The following VPS8 variants were observed in gnomAD, a reference collection of about 807,000 sequenced individuals.
VPS8 encodes the protein vacuolar protein sorting-associated protein 8 homolog.
In VPS8, 129 loss-of-function variants were observed where a neutral mutation model predicts 216.4. The observed-to-expected ratio is 0.60, with a 90% CI of 0.52 to 0.69. The LOEUF (loss-of-function observed/expected upper bound fraction) is 0.69, where lower values mean the gene tolerates loss of function less well. Ranked by LOEUF, VPS8 falls within the 30% of genes least tolerant of loss-of-function variation. VPS8 has a pLI of 0.00. For missense variants in VPS8, 1,531 were observed against 1,683.5 expected, an observed-to-expected ratio of 0.91 and a Z score of 1.59; for synonymous variants, 571 against 565.4, an observed-to-expected ratio of 1.01 and a Z score of -0.14.
chr3:184,855,904 A>T (rs1441999473), intron 14 of VPS8, 86 bp downstream of exon 14: 2 of 1,074,410 alleles, frequency 1.9e-6, no homozygotes, highest in African/African-American at 3.3e-5. Context: ...AATTTGTGTT[A>T]CTATCCTAAG....
intron 46 of VPS8, among the ~76,000 whole-genome samples, chr3:185,031,072 T>G (rs919736754): frequency 2.8e-5 from 4 of 142,852 alleles, no homozygotes; most frequent in Admixed American, 6.9e-5. Context: ...CGTTTTTTTT[T>G]TTTTTTTTTT....
At chr3:184,979,145 A>G (rs1749780839) in intron 40 of VPS8, among the ~76,000 whole-genome samples, 1 of 151,834 alleles carries the variant, frequency 6.6e-6, no homozygotes, top group African/African-American at 2.4e-5. Context: ...CTGTTTTTTT[A>G]ATGTTGTGGT....
chr3:184,875,989 CAAA>C (rs557804099), intron 21 of VPS8, among the ~76,000 whole-genome samples: 4 of 136,426 alleles, frequency 2.9e-5, no homozygotes, highest in African/African-American at 2.7e-5. Flanking sequence ...GACCCTGTCT[CAAA>C]AAAAAAAAAA....
At chr3:185,025,607 G>T (rs145300027) in intron 46 of VPS8, among the ~76,000 whole-genome samples, 1 of 152,272 alleles carries the variant, frequency 6.6e-6, no homozygotes, top group Non-Finnish European at 1.5e-5. Flanking sequence ...TCTTGTCAAG[G>T]CAGTAGGGGC....
At chr3:184,999,541 A>C (rs751439286) in intron 44 of VPS8, among the ~76,000 whole-genome samples, 155 bp from the exon 45 acceptor site, 2 of 152,274 alleles carry the variant, frequency 1.3e-5, no homozygotes, top group Non-Finnish European at 2.9e-5. Flanking sequence ...AGAGGACAGC[A>C]GCAAGTACAT....
At chr3:185,017,197 C>T (rs1226162649) in intron 45 of VPS8, among the ~76,000 whole-genome samples, 1 of 152,044 alleles carries the variant, frequency 6.6e-6, no homozygotes, top group African/African-American at 2.4e-5. Context: ...CTTCACAATG[C>T]AAAATATAAC....
At chr3:184,827,947 T>C (rs931006861) in intron 3 of VPS8, among the ~76,000 whole-genome samples, 5 of 152,068 alleles carry the variant, frequency 3.3e-5, no homozygotes, top group African/African-American at 1.2e-4. Context: ...TTGTAGACCA[T>C]TATGAAGACG....
intron 42 of VPS8, among the ~76,000 whole-genome samples, chr3:184,986,450 C>G (rs182213504): frequency 1.3e-3 from 203 of 152,210 alleles, no homozygotes; most frequent in Non-Finnish European, 1.2e-3. Context: ...AGAGGAATGA[C>G]TCAGACACAA....
chr3:185,018,833 C>G (rs1423082454), intron 45 of VPS8, among the ~76,000 whole-genome samples: 1 of 152,178 alleles, frequency 6.6e-6, no homozygotes, highest in African/African-American at 2.4e-5. Flanking sequence ...TGCTGAATTC[C>G]TGCCTGAATA....
chr3:184,837,415 A>G (rs902231731), intron 5 of VPS8, among the ~76,000 whole-genome samples: 1 of 152,222 alleles, frequency 6.6e-6, no homozygotes, highest in Non-Finnish European at 1.5e-5. Context: ...AGGTCTTACT[A>G]GAGTTTTTGA....
intron 8 of VPS8, 140 bp downstream of exon 8, chr3:184,843,385 G>A (rs755406869): frequency 2.0e-4 from 101 of 495,360 alleles, no homozygotes; most frequent in Middle Eastern, 3.3e-4. Context: ...AATTAGTTAA[G>A]TGGGAAATTG....
At chr3:184,846,132 A>G (rs1370137586) in intron 8 of VPS8, among the ~76,000 whole-genome samples, 1 of 152,212 alleles carries the variant, frequency 6.6e-6, no homozygotes, top group East Asian at 1.9e-4. Context: ...TCTGTGGGGT[A>G]GGGGTGGAAT....
At chr3:184,932,260 ACT>A (rs1740817527) in intron 34 of VPS8, among the ~76,000 whole-genome samples, 1 of 152,046 alleles carries the variant, frequency 6.6e-6, no homozygotes, top group South Asian at 2.1e-4. Context: ...TTTTTTTGAG[ACT>A]CTAATGAAAG....
At chr3:184,984,845 T>C (rs1750820317) in intron 42 of VPS8, among the ~76,000 whole-genome samples, 1 of 152,232 alleles carries the variant, frequency 6.6e-6, no homozygotes. Context: ...TAACCACACA[T>C]TATGATATGT....
At chr3:184,956,731 T>A (rs1468716205) in intron 36 of VPS8, among the ~76,000 whole-genome samples, 1 of 152,196 alleles carries the variant, frequency 6.6e-6, no homozygotes, top group Non-Finnish European at 1.5e-5. Flanking sequence ...GTAGGCATTG[T>A]GAATAGCGGG....
intron 25 of VPS8, among the ~76,000 whole-genome samples, chr3:184,912,892 C>T (rs1736819752): frequency 6.6e-6 from 1 of 152,218 alleles, no homozygotes; most frequent in Admixed American, 6.5e-5. Context: ...CGTTCCCAGT[C>T]ACTTCACCCT....
At position 184,971,481 on chromosome 3, in the gene VPS8, G is replaced by A. The variant is rs7621783; in HGVS notation, c.3317-168G>A. Reference sequence around the variant, plus strand: ...TTTCTGTGGGAAACTCTTATTTCACGGAATAATCTGTTTTTTAATCTATAA... The same window carrying A: ...TTTCTGTGGGAAACTCTTATTTCACAGAATAATCTGTTTTTTAATCTATAA... On this transcript the variant is annotated intron_variant, in intron 39 of 47. Coordinates refer to ENST00000625842, the MANE Select transcript of VPS8 (RefSeq NM_001009921.3). Among the ~76,000 whole-genome samples the A allele has an allele frequency of 0.9, 137,317 of 152,236 alleles. 62,916 individuals carry two copies. The highest frequency in any genetic ancestry group is 0.98 in the Non-Finnish European group (66,870 of 68,036).
At chr3:184,855,845 G>A in intron 14 of VPS8, 27 bp downstream of exon 14, 1 of 1,549,304 alleles carries the variant, frequency 6.5e-7, no homozygotes, top group Non-Finnish European at 8.8e-7. Context: ...CCATTAGAAA[G>A]CCTCTTACAA....
rs1406859301 is a variant in VPS8 at position 185,004,261 on chromosome 3, C to T, written c.4002+4400C>T. 3.3e-5 allele frequency among the ~76,000 whole-genome samples: 5 copies of T among 152,340 alleles called. No homozygotes were observed. In the East Asian group the frequency reaches 7.7e-4, roughly 24 times the overall value. ...GGGAGGCCGAGGCTGGCGGATCACT[C>T]GTGGTTAGGAGCTGGAGACCAGCCC... On this transcript the variant is annotated intron_variant, in intron 45 of 47. Transcript: ENST00000625842.
Sources: gnomAD v4.1 joint callset for allele counts (sites outside exome capture counted in the v4.1 genomes callset) on GRCh38, gnomAD v4.1.1 for gene constraint, MANE v1.5 for transcripts, NCBI Gene and HGNC (gene_info 2026-07-23, HGNC 2026-07-21) for gene names.